Variants in PRPSAP2 observed in about 807,000 individuals in gnomAD.
The protein encoded by PRPSAP2 is phosphoribosyl pyrophosphate synthase-associated protein 2.
In PRPSAP2, 24 loss-of-function variants were observed where a neutral mutation model predicts 40.6. The observed-to-expected ratio is 0.59, with a 90% CI of 0.43 to 0.83. The LOEUF is 0.83. PRPSAP2 is among the 40% of genes least tolerant of loss of function. PRPSAP2 has a pLI of 0.00. For missense variants in PRPSAP2, 292 were observed against 465.6 expected (o/e 0.63, Z 3.43); for synonymous variants, 149 against 164.7 (o/e 0.90, Z 0.73).
intron 9 of PRPSAP2, among the ~76,000 whole-genome samples, chr17:18,922,848 A>G (rs1054212389): frequency 6.7e-6 from 1 of 149,454 alleles, no homozygotes; most frequent in African/African-American, 2.5e-5. Context: ...TAATTTTTGT[A>G]TTTTTTTATA....
chr17:18,904,603 G>A (rs1328530674), intron 8 of PRPSAP2: 1 of 152,208 alleles, frequency 6.6e-6, no homozygotes, highest in Non-Finnish European at 1.5e-5. Context: ...GAATCCTGAA[G>A]TTATTGATGA....
chr17:18,905,489 T>C (rs2040526291), intron 8 of PRPSAP2, among the ~76,000 whole-genome samples: 1 of 152,234 alleles, frequency 6.6e-6, no homozygotes, highest in South Asian at 2.1e-4. Flanking sequence ...AAAGCCAATC[T>C]TGAATTTCAA....
chr17:18,889,673 C>T (rs1248937858), intron 7 of PRPSAP2, 149 bp from the exon 8 acceptor site: 3 of 556,714 alleles, frequency 5.4e-6, no homozygotes, highest in South Asian at 2.9e-5. Flanking sequence ...TTTTCATAGG[C>T]AGGTTCCTTT....
intron 1 of PRPSAP2, among the ~76,000 whole-genome samples, chr17:18,864,429 G>A (rs2037281883): frequency 6.6e-6 from 1 of 151,922 alleles, no homozygotes; most frequent in Non-Finnish European, 1.5e-5. Context: ...GAGTAGCTGG[G>A]ACTATAGGCA....
At chr17:18,895,768 G>A (rs552351633) in intron 8 of PRPSAP2, among the ~76,000 whole-genome samples, 33 of 152,160 alleles carry the variant, frequency 2.2e-4, no homozygotes, top group Non-Finnish European at 3.5e-4. Flanking sequence ...TGGGATTACA[G>A]GTGTGTGCCA....
intron 7 of PRPSAP2, among the ~76,000 whole-genome samples, chr17:18,883,120 C>A (rs2038882497): frequency 6.6e-6 from 1 of 152,290 alleles, no homozygotes; most frequent in East Asian, 1.9e-4. Flanking sequence ...GTCCTATCCC[C>A]CTGCCTCCTT....
At chr17:18,892,712 TG>T (rs1177291152) in intron 8 of PRPSAP2, among the ~76,000 whole-genome samples, 7 of 96,498 alleles carry the variant, frequency 7.3e-5, no homozygotes, top group Non-Finnish European at 1.2e-4. Flanking sequence ...TGTGTGTGTG[TG>T]TGTGTGTGTG....
intron 7 of PRPSAP2, among the ~76,000 whole-genome samples, chr17:18,883,940 CT>C (rs746873753): frequency 7.0e-4 from 103 of 146,588 alleles, no homozygotes; most frequent in Admixed American, 2.2e-3. Flanking sequence ...AAATATTCTG[CT>C]TTTTTTTTTT....
chr17:18,882,402 T>C (rs147741885), intron 6 of PRPSAP2, among the ~76,000 whole-genome samples, 166 bp from the exon 7 acceptor site: 250 of 152,042 alleles, frequency 1.6e-3, no homozygotes, highest in African/African-American at 5.9e-3. Context: ...TCCCAGCTAC[T>C]TTCAAGGCTG....
chr17:18,908,692 C>T, intron 8 of PRPSAP2: 4 of 724,112 alleles, frequency 5.5e-6, no homozygotes, highest in Non-Finnish European at 5.1e-6. Flanking sequence ...CATCCACTTC[C>T]TGAATATTGA....
intron 8 of PRPSAP2, among the ~76,000 whole-genome samples, chr17:18,893,431 T>A (rs956186202): frequency 6.6e-6 from 1 of 151,856 alleles, no homozygotes; most frequent in Non-Finnish European, 1.5e-5. Context: ...CTTTTTTGTT[T>A]GTTATTGCCT....
intron 9 of PRPSAP2, among the ~76,000 whole-genome samples, chr17:18,914,249 C>CTTTTTTTTTTTTTTTTTTTTTTT (rs60892883): frequency 2.3e-4 from 11 of 48,104 alleles, no homozygotes; most frequent in African/African-American, 2.9e-4. Flanking sequence ...CATGTTTTTG[C>CTTTTTTTTTTTTTTTTTTTTTTT]TTTTTTTTTT....
chr17:18,924,043 ATT>A lies in PRPSAP2; in HGVS notation c.804+60_804+61del. 1.3e-5 allele frequency: 20 copies of A among 1,485,544 alleles called. No individual in the cohort carries two copies. In the Middle Eastern group the frequency reaches 3.1e-3, roughly 230 times the overall value. 92.0% of individuals were successfully genotyped at this position (1,485,544 alleles called of 1,614,324 possible). A position where few individuals can be genotyped will look rare whatever the true frequency, so the allele number is the denominator to read the frequency against. On this transcript the variant is annotated intron_variant, in intron 10 of 11. Transcript: ENST00000268835. ...TTTGCCATTGTTATTCTGTTGATTG[ATT>A]GATTGATTGATTTTATTACAGAGAC...
At chr17:18,901,031 AG>A (rs1397954062) in intron 8 of PRPSAP2, among the ~76,000 whole-genome samples, 3 of 152,138 alleles carry the variant, frequency 2.0e-5, no homozygotes, top group Admixed American at 1.3e-4. Context: ...GCCTCATTAT[AG>A]CCTGACAAGC....
intron 8 of PRPSAP2, chr17:18,904,789 G>GCTT (rs1472890711): frequency 2.6e-5 from 4 of 152,188 alleles, no homozygotes; most frequent in East Asian, 3.9e-4. Context: ...AAGGATAGCT[G>GCTT]AGGCCCTGTG....
chr17:18,878,962 T>G (rs2038513618), intron 6 of PRPSAP2, among the ~76,000 whole-genome samples: 1 of 151,718 alleles, frequency 6.6e-6, no homozygotes, highest in Non-Finnish European at 1.5e-5. Flanking sequence ...CACTGTCTCC[T>G]GGGTTCAAGC....
chr17:18,859,335 T>G (rs1210013473), intron 1 of PRPSAP2: 6 of 152,266 alleles, frequency 3.9e-5, no homozygotes, highest in Admixed American at 1.3e-4. Context: ...GCTCTCTGTA[T>G]GCAGAATTCA....
intron 8 of PRPSAP2, among the ~76,000 whole-genome samples, chr17:18,890,187 G>C (rs1027175907): frequency 6.8e-6 from 1 of 147,976 alleles, no homozygotes; most frequent in African/African-American, 2.5e-5. Context: ...TTTATTTTTT[G>C]AGATGGAGTT....
intron 5 of PRPSAP2, among the ~76,000 whole-genome samples, chr17:18,874,314 C>A (rs1288622756): frequency 6.6e-6 from 1 of 152,116 alleles, no homozygotes; most frequent in East Asian, 1.9e-4. Context: ...GTCTAGAAAT[C>A]AGTTTGTCTA....
Sources: gnomAD v4.1 joint callset for allele counts (sites outside exome capture counted in the v4.1 genomes callset) on GRCh38, gnomAD v4.1.1 for gene constraint, MANE v1.5 for transcripts, NCBI Gene and HGNC (gene_info 2026-07-23, HGNC 2026-07-21) for gene names.